TNPO1: variants seen among roughly 807,000 people sequenced by gnomAD.
TNPO1 encodes the protein transportin 1, also known as transportin-1.
In TNPO1, 8 loss-of-function variants were observed where a neutral mutation model predicts 119.5. The ratio of observed to expected loss-of-function variants is 0.07; its 90% confidence interval spans 0.04 to 0.12. The LOEUF is 0.12. TNPO1 is among the 10% of genes least tolerant of loss of function. The probability of loss-of-function intolerance (pLI) is 1.00; values close to 1 mark genes in which losing one functional copy is unlikely to be tolerated. For missense variants in TNPO1, 576 were observed against 1,089.8 expected (o/e 0.53, Z 6.64); for synonymous variants, 362 against 363.0 (o/e 1.00, Z 0.03).
At chr5:72,888,587 A>G (rs538484983) in intron 13 of TNPO1, among the ~76,000 whole-genome samples, 12 of 152,330 alleles carry the variant, frequency 7.9e-5, no homozygotes, top group African/African-American at 2.6e-4. Context: ...ATGTGACAAC[A>G]TCGATCTTAG....
chr5:72,871,101 C>G (rs547820143), intron 6 of TNPO1, among the ~76,000 whole-genome samples: 14 of 151,998 alleles, frequency 9.2e-5, no homozygotes, highest in African/African-American at 2.9e-4. Flanking sequence ...CTCAGCCTCC[C>G]GAATAGCTGG....
chr5:72,895,605 A>G (rs1749372290), intron 18 of TNPO1, among the ~76,000 whole-genome samples: 1 of 152,206 alleles, frequency 6.6e-6, no homozygotes, highest in Non-Finnish European at 1.5e-5. Flanking sequence ...GCTGAGATCA[A>G]GAAACCCTGG....
rs1445148995 is a variant in TNPO1 at position 72,838,012 on chromosome 5, T to G, written c.16-10373T>G. On this transcript the variant is annotated intron_variant, in intron 1 of 24. Transcript: ENST00000337273. ...TTTCATAACTGAGATCTGACTAATA[T>G]ATGCCCCTGTTGTGTGTGAGATTTC... Among the ~76,000 whole-genome samples the G allele has an allele frequency of 2.0e-5, 3 of 152,216 alleles. No homozygotes were observed. The South Asian group carries it at 6.2e-4, about 32-fold the overall frequency.
At chr5:72,882,598 A>G in intron 10 of TNPO1, 71 bp downstream of exon 10, 1 of 1,098,204 alleles carries the variant, frequency 9.1e-7, no homozygotes, top group Non-Finnish European at 1.4e-6. Context: ...GGATTTGGCC[A>G]ATAAAACATT....
chr5:72,839,781 T>C (rs1744832255), intron 1 of TNPO1, among the ~76,000 whole-genome samples: 1 of 152,204 alleles, frequency 6.6e-6, no homozygotes, highest in Non-Finnish European at 1.5e-5. Flanking sequence ...GGTTCTCAAC[T>C]GGCTATAAGT....
intron 6 of TNPO1, among the ~76,000 whole-genome samples, chr5:72,869,327 A>G (rs1747194015): frequency 6.6e-6 from 1 of 152,172 alleles, no homozygotes; most frequent in Non-Finnish European, 1.5e-5. Flanking sequence ...CGAGTGGATC[A>G]CCTGAGGTCA....
rs932924441 is a variant in TNPO1 at position 72,904,305 on chromosome 5, C to T, written c.2589+522C>T. On this transcript the variant is annotated intron_variant, in intron 23 of 24. Transcript: ENST00000337273. ...TGTGTATTTGCAGTTTGAAAAAATACGACATAAAAATTGTATTGCTTGGAT... is the reference window on the plus strand; with the variant it reads ...TGTGTATTTGCAGTTTGAAAAAATATGACATAAAAATTGTATTGCTTGGAT... 5.9e-5 allele frequency among the ~76,000 whole-genome samples: 9 copies of T among 152,234 alleles called. No homozygotes were observed. In the East Asian group the frequency reaches 1.5e-3, roughly 26 times the overall value.
rs1561346823 is a variant in TNPO1 at position 72,887,213 on chromosome 5, A to G, written c.1294A>G (p.Ile432Val). The G allele has an allele frequency of 6.5e-7, 1 of 1,540,600 alleles. No homozygotes were observed. Among genetic ancestry groups the G allele is most frequent in the Non-Finnish European group, 8.8e-7 (1 of 1,139,770 alleles). ...ATCAGGCATTTTGGTTTTAGGAGCAATTGCTGAAGGTAAGCCTAAGTCCAG... is the reference window on the plus strand; with the variant it reads ...ATCAGGCATTTTGGTTTTAGGAGCAGTTGCTGAAGGTAAGCCTAAGTCCAG... ...KESGILVLGAIAEGCMQGMIP... is the reference protein window; with the variant it reads ...KESGILVLGAVAEGCMQGMIP... The change falls in exon 12 of 25, where the codon ATT becomes GTT. Residue 432 changes from isoleucine (I) to valine (V), a missense_variant. Physicochemically the swap from Ile to Val is conservative, Grantham distance 29. This residue lies in a region of TNPO1 where 310 missense variants were observed against 583.0 expected (regional missense o/e 0.53). Coordinates refer to ENST00000337273, the MANE Select transcript of TNPO1 (RefSeq NM_002270.4).
At chr5:72,817,757 G>A (rs544974390) in intron 1 of TNPO1, among the ~76,000 whole-genome samples, 30 of 152,316 alleles carry the variant, frequency 2.0e-4, no homozygotes, top group African/African-American at 6.7e-4. Flanking sequence ...GGTGTAATAG[G>A]TGTTTGGAAA....
chr5:72,861,151 TCCAC>T (rs1229008700), intron 4 of TNPO1, among the ~76,000 whole-genome samples: 1 of 152,116 alleles, frequency 6.6e-6, no homozygotes, highest in African/African-American at 2.4e-5. Flanking sequence ...CCTCATGTGA[TCCAC>T]CCACCTCGGC....
chr5:72,875,764 T>G (rs755435095), intron 8 of TNPO1, 27 bp downstream of exon 8: 2 of 1,585,460 alleles, frequency 1.3e-6, no homozygotes, highest in South Asian at 2.2e-5. Flanking sequence ...AAAGGCTCTT[T>G]CATCATCTTT....
At chr5:72,906,279 T>C (rs1561365877) in intron 24 of TNPO1, among the ~76,000 whole-genome samples, 17 of 54,806 alleles carry the variant, frequency 3.1e-4, no homozygotes, top group African/African-American at 6.4e-4. Flanking sequence ...TTTTTTCTTT[T>C]TTTTTTTTTT....
chr5:72,841,899 AAG>A (rs932285573), intron 1 of TNPO1, among the ~76,000 whole-genome samples: 11 of 151,588 alleles, frequency 7.3e-5, no homozygotes, highest in African/African-American at 2.4e-4. Flanking sequence ...AAAACAGTAT[AAG>A]AGAGATTTTC....
intron 6 of TNPO1, among the ~76,000 whole-genome samples, chr5:72,868,125 C>CT (rs1747065445): frequency 6.6e-6 from 1 of 152,048 alleles, no homozygotes; most frequent in African/African-American, 2.4e-5. Context: ...ATGTTAAGGG[C>CT]TTTTTGACAT....
At chr5:72,896,964 C>T in intron 19 of TNPO1, 92 bp from the exon 20 acceptor site, 2 of 592,900 alleles carry the variant, frequency 3.4e-6, no homozygotes, top group East Asian at 3.2e-5. Context: ...TATGACATGT[C>T]AGAGTTAATA....
At chr5:72,843,956 A>G (rs1745021533) in intron 1 of TNPO1, among the ~76,000 whole-genome samples, 1 of 152,234 alleles carries the variant, frequency 6.6e-6, no homozygotes, top group Non-Finnish European at 1.5e-5. Context: ...GGATAAAAAC[A>G]AACTATATTT....
intron 6 of TNPO1, among the ~76,000 whole-genome samples, chr5:72,865,941 A>G (rs1746856806): frequency 6.6e-6 from 1 of 152,242 alleles, no homozygotes. Flanking sequence ...AAACATGATA[A>G]AAGTTTTGTG....
chr5:72,899,469 GA>G (rs78956011), intron 20 of TNPO1, among the ~76,000 whole-genome samples: 20,890 of 151,950 alleles, frequency 0.14, 1,650 homozygotes, highest in East Asian at 0.35. Flanking sequence ...AAAAATTTTT[GA>G]AACTACCAAA....
At chr5:72,863,546 G>T (rs1316240287) in intron 5 of TNPO1, among the ~76,000 whole-genome samples, 1 of 152,086 alleles carries the variant, frequency 6.6e-6, no homozygotes, top group Non-Finnish European at 1.5e-5. Context: ...GATCATTTGA[G>T]GTCAGGAGTT....
Sources: gnomAD v4.1 joint callset for allele counts (sites outside exome capture counted in the v4.1 genomes callset) on GRCh38, gnomAD v4.1.1 for gene constraint, gnomAD v4.1.1 regional missense constraint, MANE v1.5 for transcripts, NCBI Gene and HGNC (gene_info 2026-07-23, HGNC 2026-07-21) for gene names.